The following PIAS2 variants were observed in gnomAD, a reference collection of about 807,000 sequenced individuals.
The protein encoded by PIAS2 is E3 SUMO-protein ligase PIAS2.
A neutral mutation model predicts 69.7 loss-of-function variants in PIAS2; 19 were observed. The ratio of observed to expected loss-of-function variants is 0.27; its 90% CI spans 0.19 to 0.40. The LOEUF (loss-of-function observed/expected upper bound fraction) is 0.40. PIAS2 is among the 10% of genes least tolerant of loss of function. The probability of loss-of-function intolerance (pLI) is 1.00; values close to 1 mark genes in which losing one functional copy is unlikely to be tolerated. For missense variants in PIAS2, 624 were observed against 757.0 expected, an observed-to-expected ratio of 0.82 and a Z score of 2.06; for synonymous variants, 261 against 263.2, an observed-to-expected ratio of 0.99 and a Z score of 0.08.
chr18:46,880,074 T>C (rs7240239), intron 2 of PIAS2, among the ~76,000 whole-genome samples: 78,669 of 148,982 alleles, frequency 0.53, 20,970 homozygotes, highest in Middle Eastern at 0.56. Flanking sequence ...TCAGACAGTA[T>C]GTATTTTACC....
At chr18:46,918,180 T>C (rs2058222041), upstream of PIAS2, 1 of 151,852 alleles carries the variant, frequency 6.6e-6, no homozygotes, top group South Asian at 2.1e-4. Flanking sequence ...GCAGAGTAAG[T>C]AGATAGAAGG....
intron 5 of PIAS2, among the ~76,000 whole-genome samples, chr18:46,849,253 A>G (rs1188527163): frequency 6.6e-6 from 1 of 152,190 alleles, no homozygotes; most frequent in East Asian, 1.9e-4. Flanking sequence ...TTTTCAATCT[A>G]TTCTGTATCC....
intron 13 of PIAS2, among the ~76,000 whole-genome samples, chr18:46,814,885 G>C (rs2041347340): frequency 6.6e-6 from 1 of 152,146 alleles, no homozygotes; most frequent in African/African-American, 2.4e-5. Context: ...GTCCAAATCT[G>C]AATGTCTTTA....
intron 1 of PIAS2, among the ~76,000 whole-genome samples, chr18:46,897,416 A>G (rs1205496164): frequency 1.3e-5 from 2 of 152,222 alleles, no homozygotes; most frequent in African/African-American, 4.8e-5. Flanking sequence ...ATGGGCTCCT[A>G]GTAGCCTAAG....
In PIAS2 at chr18:46,807,383, A is replaced by ATATATATATATATATATATATATATTTT. The variant is rs869149927; in HGVS notation, c.*5049_*5050insAAAATATATATATATATATATATATATA. ...TATATATATATATATATATATATAT[A>ATATATATATATATATATATATATATTTT]TTTTTTTTTTTTTTTTTTTTTTTTT... On this transcript the variant is annotated 3_prime_UTR_variant, in exon 14 of 14. Transcript: ENST00000585916. The ATATATATATATATATATATATATATTTT allele has an allele frequency of 8.6e-5, 1 of 11,600 alleles. No homozygotes were observed. 0.7% of individuals were successfully genotyped at this position (11,600 alleles called of 1,614,324 possible). A position where few individuals can be genotyped will look rare whatever the true frequency, so the allele number is the denominator to read the frequency against.
intron 10 of PIAS2, among the ~76,000 whole-genome samples, chr18:46,828,684 C>T (rs2043157001): frequency 1.3e-5 from 2 of 152,160 alleles, no homozygotes; most frequent in African/African-American, 4.8e-5. Context: ...AAACCCAAAC[C>T]TCTCAATTAA....
intron 1 of PIAS2, chr18:46,907,766 C>G (rs1025479799): frequency 1.3e-5 from 2 of 152,056 alleles, no homozygotes; most frequent in African/African-American, 4.8e-5. Context: ...AGAGGGCCAA[C>G]TTTTCCTATA....
chr18:46,825,647 T>C (rs549041565), intron 11 of PIAS2, among the ~76,000 whole-genome samples: 1 of 152,226 alleles, frequency 6.6e-6, no homozygotes, highest in Non-Finnish European at 1.5e-5. Context: ...GAGAGTCATA[T>C]AGCCTAAAAT....
At chr18:46,816,419 A>G (rs1184772101) in intron 12 of PIAS2, 2 of 985,200 alleles carry the variant, frequency 2.0e-6, no homozygotes, top group African/African-American at 1.7e-5. Flanking sequence ...CAATCATTTG[A>G]AAGAAATCAT....
chr18:46,866,883 T>C (rs2049562499), intron 2 of PIAS2, among the ~76,000 whole-genome samples: 1 of 152,184 alleles, frequency 6.6e-6, no homozygotes, highest in Admixed American at 6.5e-5. Flanking sequence ...ACCTGTAAAG[T>C]TGGGCACAAG....
intron 5 of PIAS2, among the ~76,000 whole-genome samples, chr18:46,847,642 C>T (rs1048386557): frequency 3.9e-5 from 6 of 152,032 alleles, no homozygotes; most frequent in African/African-American, 9.7e-5. Flanking sequence ...CCACAACATC[C>T]GGCTAATTTT....
intron 2 of PIAS2, among the ~76,000 whole-genome samples, chr18:46,875,318 C>T (rs1314077158): frequency 6.6e-6 from 1 of 152,160 alleles, no homozygotes; most frequent in Non-Finnish European, 1.5e-5. Flanking sequence ...CAGCCAGGCC[C>T]CCTTCTTCAA....
intron 1 of PIAS2, among the ~76,000 whole-genome samples, chr18:46,912,188 T>C (rs562055706): frequency 1.3e-5 from 2 of 152,300 alleles, no homozygotes; most frequent in South Asian, 4.1e-4. Context: ...TGAGGAAATA[T>C]AGTTGTCTCT....
At chr18:46,898,161 A>T (rs2055197264) in intron 1 of PIAS2, among the ~76,000 whole-genome samples, 1 of 146,926 alleles carries the variant, frequency 6.8e-6, no homozygotes, top group Non-Finnish European at 1.5e-5. Context: ...AGGCAATATA[A>T]TTTTTTTTTT....
chr18:46,882,542 A>G (rs1239896748), intron 2 of PIAS2, among the ~76,000 whole-genome samples: 1 of 152,198 alleles, frequency 6.6e-6, no homozygotes, highest in Non-Finnish European at 1.5e-5. Context: ...TCCTTCATAT[A>G]TATGTGTACA....
At chr18:46,900,975 AAAT>A (rs1355325666) in intron 1 of PIAS2, 3 of 377,602 alleles carry the variant, frequency 7.9e-6, no homozygotes, top group Non-Finnish European at 1.0e-5. Flanking sequence ...ACTCTGTCTC[AAAT>A]AATATTAAAA....
intron 12 of PIAS2, chr18:46,816,652 G>T: frequency 3.9e-6 from 1 of 258,576 alleles, no homozygotes; most frequent in Non-Finnish European, 6.0e-6. Context: ...TTTTTTTGTA[G>T]AGAGAGGGTC....
chr18:46,910,391 T>G (rs780617401), intron 1 of PIAS2, among the ~76,000 whole-genome samples: 8 of 152,202 alleles, frequency 5.3e-5, no homozygotes, highest in Non-Finnish European at 1.2e-4. Context: ...TTACCTGTTA[T>G]AATCTTTTGT....
At chr18:46,875,482 G>A (rs2051027673) in intron 2 of PIAS2, among the ~76,000 whole-genome samples, 1 of 152,142 alleles carries the variant, frequency 6.6e-6, no homozygotes. Flanking sequence ...GAATGGTATG[G>A]GTTAGGAGCA....
Sources: allele counts gnomAD v4.1 joint callset (sites outside exome capture counted in the v4.1 genomes callset), GRCh38; gene constraint gnomAD v4.1.1; transcripts MANE v1.5; gene names NCBI Gene and HGNC (gene_info 2026-07-23, HGNC 2026-07-21).